ATP8B4: variants seen among roughly 807,000 people sequenced by gnomAD.
ATP8B4 encodes the protein probable phospholipid-transporting ATPase IM.
A neutral mutation model predicts 145.6 loss-of-function variants in ATP8B4; 133 were observed. That is an observed-to-expected ratio of 0.91 (90% CI 0.79 to 1.05). The LOEUF (loss-of-function observed/expected upper bound fraction) is 1.05. Ranked by LOEUF, ATP8B4 falls within the 50% of genes least tolerant of loss-of-function variation. The pLI is 0.00. For missense variants in ATP8B4, 1,458 were observed against 1,425.2 expected (o/e 1.02, Z -0.37); for synonymous variants, 507 against 492.9 (o/e 1.03, Z -0.38).
At chr15:50,062,381 T>A (rs6493399) in intron 3 of ATP8B4, among the ~76,000 whole-genome samples, 133,936 of 152,116 alleles carry the variant, frequency 0.88, 59,297 homozygotes, top group East Asian at 0.99. Flanking sequence ...TTCTACTATG[T>A]TTGGAGGCTT....
chr15:49,990,533 C>T (rs2046968519), intron 9 of ATP8B4, among the ~76,000 whole-genome samples: 1 of 152,078 alleles, frequency 6.6e-6, no homozygotes, highest in Admixed American at 6.6e-5. Context: ...GACAATCACA[C>T]AGAAATGCTC....
Position 50,044,612 on chromosome 15 carries a change from T to C in ATP8B4, c.282A>G (p.Lys94=), listed in dbSNP as rs763374921. ...TACTCACATAGTCATCTGTGGCATCTTTGACAGCTGTCATAGTTATCACCA... is the reference window on the plus strand; with the variant it reads ...TACTCACATAGTCATCTGTGGCATCCTTGACAGCTGTCATAGTTATCACCA... ...LVLVITMTAV[K]DATDDYFRHK... is the part of the protein sequence containing the mutation. Residue 94 remains lysine, a synonymous_variant, in exon 5 of 28, where the codon AAA becomes AAG. Coordinates refer to ENST00000284509, the MANE Select transcript of ATP8B4 (RefSeq NM_024837.4). 2.0e-5 allele frequency: 32 copies of C among 1,611,978 alleles called. No individual in the cohort carries two copies. The highest frequency in any genetic ancestry group is 2.7e-5 in the Non-Finnish European group (32 of 1,178,512).
chr15:49,907,864 T>G (rs2038791693), intron 20 of ATP8B4, among the ~76,000 whole-genome samples: 1 of 152,198 alleles, frequency 6.6e-6, no homozygotes, highest in South Asian at 2.1e-4. Context: ...GTCTGACCAT[T>G]TACTCAAGTG....
At chr15:49,999,602 C>T (rs192460332) in intron 8 of ATP8B4, among the ~76,000 whole-genome samples, 17 of 152,060 alleles carry the variant, frequency 1.1e-4, no homozygotes, top group Admixed American at 8.5e-4. Context: ...ATTGTCATTC[C>T]ACACTCTTGC....
rs560719915 is a variant in ATP8B4, at chr15:50,177,400, G to A, written c.-43+4861C>T. ...TTCCAGGAAATTGAATTCTAGTTACGAAGGCAAAACTAACAGGTAAGAAAC... is the reference window on the plus strand; with the variant it reads ...TTCCAGGAAATTGAATTCTAGTTACAAAGGCAAAACTAACAGGTAAGAAAC... On this transcript the variant is annotated intron_variant, in intron 1 of 3. Coordinates refer to the ATP8B4 transcript ENST00000558829. 2.6e-5 allele frequency among the ~76,000 whole-genome samples: 4 copies of A among 152,250 alleles called. No homozygotes were observed. The South Asian group carries it at 8.3e-4, about 32-fold the overall frequency.
At chr15:49,924,526 C>T (rs567069124) in intron 16 of ATP8B4, among the ~76,000 whole-genome samples, 1 of 152,218 alleles carries the variant, frequency 6.6e-6, no homozygotes, top group South Asian at 2.1e-4. Flanking sequence ...TAAATGTTTA[C>T]TATTATTTAC....
At chr15:49,957,373 TAAAAGA>T (rs1393603635) in intron 14 of ATP8B4, among the ~76,000 whole-genome samples, 1 of 150,966 alleles carries the variant, frequency 6.6e-6, no homozygotes, top group Non-Finnish European at 1.5e-5. Flanking sequence ...ACACACAGAG[TAAAAGA>T]AAGAGACCAT....
intron 23 of ATP8B4, among the ~76,000 whole-genome samples, chr15:49,893,429 C>T (rs1308113920): frequency 6.6e-6 from 1 of 152,024 alleles, no homozygotes; most frequent in Admixed American, 6.6e-5. Flanking sequence ...CATGGATAAA[C>T]AAAATGTAGT....
chr15:49,980,040 T>C (rs2046018522), intron 11 of ATP8B4, among the ~76,000 whole-genome samples: 1 of 152,192 alleles, frequency 6.6e-6, no homozygotes, highest in Non-Finnish European at 1.5e-5. Flanking sequence ...GAACAGTCAT[T>C]ATCCCCACTT....
intron 6 of ATP8B4, among the ~76,000 whole-genome samples, chr15:50,030,302 C>T (rs1366479242): frequency 6.6e-6 from 1 of 152,002 alleles, no homozygotes; most frequent in Non-Finnish European, 1.5e-5. Context: ...GCACATAGAA[C>T]TTGGTGTATC....
At position 49,981,314 on chromosome 15, in the gene ATP8B4, TA is replaced by T; in HGVS notation, c.749-21del. The T allele has an allele frequency of 6.5e-7, 1 of 1,535,518 alleles. No individual in the cohort carries two copies. The highest frequency in any genetic ancestry group is 8.9e-7 in the Non-Finnish European group (1 of 1,120,160). On this transcript the variant is annotated intron_variant, in intron 10 of 27. Coordinates refer to ENST00000284509, the MANE Select transcript of ATP8B4 (RefSeq NM_024837.4). ...CAGGACCTGCAAAAACAAAAAAAAG[TA>T]AATAACTTTGAAATGATATGATTAT...
chr15:50,138,326 GTAGATAGATAGATAGATAGATAGA>G (rs71124324), intron 1 of ATP8B4, among the ~76,000 whole-genome samples: 72 of 148,222 alleles, frequency 4.9e-4, no homozygotes, highest in Admixed American at 3.8e-3. Flanking sequence ...AGATAGATAG[GTAGATAGATAGATAGATAGATAGA>G]TAGATAGATA....
intron 4 of ATP8B4, among the ~76,000 whole-genome samples, chr15:50,045,105 T>C (rs769073554): frequency 1.3e-5 from 2 of 152,216 alleles, no homozygotes; most frequent in Non-Finnish European, 2.9e-5. Context: ...GTACTTTCCA[T>C]TTATTACATC....
chr15:50,038,795 C>A lies in ATP8B4; in HGVS notation c.335G>T (p.Arg112Leu). The change falls in exon 6 of 28, where the codon CGG (arginine) becomes CTG (leucine). Residue 112 changes from arginine (R) to leucine (L), a missense_variant. Coordinates refer to ENST00000284509, the MANE Select transcript of ATP8B4 (RefSeq NM_024837.4). ...RHKSDNQVNN[R>L]QSEVLINSKL... is the part of the protein sequence containing the mutation. ...GCTGTTGATGAGCACTTCAGACTGC[C>A]GATTATTCACTTGATTATCACTCTT... The A allele has an allele frequency of 6.2e-7, 1 of 1,613,328 alleles. No homozygotes were observed. Among genetic ancestry groups the A allele is most frequent in the South Asian group, 1.1e-5 (1 of 90,992 alleles).
intron 19 of ATP8B4, among the ~76,000 whole-genome samples, chr15:49,918,320 A>T (rs995245038): frequency 6.6e-6 from 1 of 152,206 alleles, no homozygotes; most frequent in African/African-American, 2.4e-5. Flanking sequence ...GCACTGTTAC[A>T]GCTGTAGTAG....
chr15:50,047,630 C>T (rs1342656365), intron 3 of ATP8B4, among the ~76,000 whole-genome samples, 166 bp from the exon 4 acceptor site: 1 of 151,932 alleles, frequency 6.6e-6, no homozygotes, highest in Non-Finnish European at 1.5e-5. Context: ...AGATGATATG[C>T]TCCTGATACT....
intron 25 of ATP8B4, among the ~76,000 whole-genome samples, chr15:49,869,017 T>A (rs1048307587): frequency 2.0e-5 from 3 of 152,186 alleles, no homozygotes; most frequent in African/African-American, 4.8e-5. Context: ...CAAGCGATTC[T>A]CCTGCCTCAG....
At chr15:50,143,276 G>T (rs760030633) in intron 1 of ATP8B4, among the ~76,000 whole-genome samples, 3 of 152,200 alleles carry the variant, frequency 2.0e-5, no homozygotes, top group Non-Finnish European at 2.9e-5. Context: ...GGCAGTTTTG[G>T]CTTGCTGCCT....
chr15:50,019,654 C>A (rs2049374539), intron 6 of ATP8B4, among the ~76,000 whole-genome samples: 1 of 152,204 alleles, frequency 6.6e-6, no homozygotes, highest in African/African-American at 2.4e-5. Flanking sequence ...CATGCTTTCT[C>A]CAATCAGGAT....
Sources: allele counts gnomAD v4.1 joint callset (sites outside exome capture counted in the v4.1 genomes callset), GRCh38; gene constraint gnomAD v4.1.1; transcripts MANE v1.5; gene names NCBI Gene and HGNC (gene_info 2026-07-23, HGNC 2026-07-21).